PIR: variants seen among roughly 807,000 people sequenced by gnomAD.
The protein encoded by PIR is pirin.
In PIR, 22 loss-of-function variants were observed where a neutral mutation model predicts 24.2. That is an observed-to-expected ratio of 0.91 (90% confidence interval 0.65 to 1.30). PIR has a LOEUF of 1.30. Among genes scored for constraint, PIR ranks in the 50% most tolerant of loss-of-function variants. The probability of loss-of-function intolerance (pLI) is 0.00; values close to 1 mark genes in which losing one functional copy is unlikely to be tolerated. For synonymous variants in PIR, 80 were observed against 79.6 expected, an observed-to-expected ratio of 1.00 and a Z score of -0.03; for missense variants, 220 against 220.3, an observed-to-expected ratio of 1.00 and a Z score of 0.01.
rs1165872329 is a variant in PIR at position 15,401,334 on chromosome X, G to A, written c.611-3803C>T. 3.6e-5 allele frequency among the ~76,000 whole-genome samples: 4 copies of A among 110,872 alleles called. No homozygotes were observed. The East Asian group carries it at 1.1e-3, about 31-fold the overall frequency. On this transcript the variant is annotated intron_variant, in intron 7 of 9. Transcript: ENST00000380420. ...AGTCTCCCCAAGTGCTGGGATTACA[G>A]GTATGAGCCACTGCGCCTAACCAAG...
At chrX:15,453,138 C>A (rs1920984209) in intron 5 of PIR, among the ~76,000 whole-genome samples, 1 of 111,643 alleles carries the variant, frequency 9.0e-6, no homozygotes, top group Non-Finnish European at 1.9e-5. Flanking sequence ...AACGAAATCA[C>A]CAGTTGCTCC....
chrX:15,427,843 ATGTG>A (rs1925370499), intron 5 of PIR, among the ~76,000 whole-genome samples: 1 of 108,400 alleles, frequency 9.2e-6, no homozygotes, highest in Non-Finnish European at 1.9e-5. Flanking sequence ...GTGTGTGCAT[ATGTG>A]TGTGTATGTA....
intron 5 of PIR, among the ~76,000 whole-genome samples, chrX:15,439,092 C>T (rs761803163): frequency 2.7e-5 from 3 of 112,230 alleles, no homozygotes; most frequent in Non-Finnish European, 5.6e-5. Context: ...ACTCCCACTG[C>T]CCTGGGATTG....
At position 15,425,978 on chromosome X, in the gene PIR, T is replaced by A. The variant is rs1925303550; in HGVS notation, c.493A>T (p.Thr165Ser). 7 of 1,179,352 alleles carry A rather than the reference T, an allele frequency of 5.9e-6. No individual in the cohort carries two copies. Among genetic ancestry groups the A allele is most frequent in the Non-Finnish European group, 8.1e-6 (7 of 866,537 alleles). Residue 165 changes from threonine (T) to serine (S), a missense_variant, in exon 6 of 10, where the codon ACT (threonine) becomes TCT (serine). Physicochemically the swap from Thr to Ser is moderately conservative, Grantham distance 58 (BLOSUM62 1). Coordinates refer to ENST00000380420, the MANE Select transcript of PIR (RefSeq NM_001018109.3). The stretch of plus-strand genomic sequence containing the variant: ...TCCAAATATAAGGTTGGTGTGCGAG[T>A]GTAAACCTTGGACTGAAAAGGAAAA... ...EALGIKSKVY[T>S]RTPTLYLDFK...
Position 15,455,876 on chromosome X carries a change from A to G in PIR, c.452T>C (p.Val151Ala). Reference protein sequence around the residue: ...KPSKDGVTVAVISGEALGIKS... With the variant: ...KPSKDGVTVAAISGEALGIKS... ...TATTCCCAGGGCTTCTCCAGAAATG[A>G]CAGCAACTGTCACACCATCCTTACT... The change falls in exon 5 of 10, where the codon GTC (valine) becomes GCC (alanine). Residue 151 changes from valine to alanine, a missense_variant. Val to Ala is a moderately conservative substitution (Grantham distance 64). Transcript: ENST00000380420. 1 of 1,210,550 alleles carries G rather than the reference A, an allele frequency of 8.3e-7. No individual in the cohort carries two copies. Among genetic ancestry groups the G allele is most frequent in the East Asian group, 3.0e-5 (1 of 33,844 alleles).
rs149822007 is a variant in PIR, at chrX:15,434,810, T to C, written c.481-8820A>G. 3.8e-3 allele frequency among the ~76,000 whole-genome samples: 419 copies of C among 111,077 alleles called. 2 individuals carry two copies. The highest frequency in any genetic ancestry group is 0.029 in the Admixed American group (302 of 10,443). ...AGGTTTCTGACATGGGTCTAATCTA[T>C]TCATCTTTTCCTTCCAATGCTTTTA... is the stretch of plus-strand genomic sequence containing the variant. On this transcript the variant is annotated intron_variant, in intron 5 of 9. Transcript: ENST00000380420.
intron 5 of PIR, chrX:15,429,672 C>A (rs112201111): frequency 9.0e-6 from 1 of 111,222 alleles, no homozygotes; most frequent in East Asian, 2.8e-4. Flanking sequence ...CTGGCTAACA[C>A]GGTGAAACCC....
intron 5 of PIR, among the ~76,000 whole-genome samples, chrX:15,427,119 A>G (rs771813033): frequency 1.8e-5 from 2 of 112,059 alleles, no homozygotes; most frequent in Admixed American, 9.5e-5. Context: ...CAGACACAGA[A>G]GATCATACAC....
At chrX:15,416,307 T>C (rs1450057047) in intron 6 of PIR, among the ~76,000 whole-genome samples, 1 of 111,971 alleles carries the variant, frequency 8.9e-6, no homozygotes, top group Non-Finnish European at 1.9e-5. Context: ...TTGCGTTCTA[T>C]GAAAAGACTC....
chrX:15,419,548 G>A (rs1299385353), intron 6 of PIR, among the ~76,000 whole-genome samples: 1 of 111,506 alleles, frequency 9.0e-6, no homozygotes, highest in Non-Finnish European at 1.9e-5. Context: ...TGGGTTTACA[G>A]ACGCTCAATG....
At chrX:15,450,349 C>T (rs1926240945) in intron 5 of PIR, among the ~76,000 whole-genome samples, 1 of 109,273 alleles carries the variant, frequency 9.2e-6, no homozygotes, top group African/African-American at 3.3e-5. Flanking sequence ...GCCCCTCTCA[C>T]ACTCTCTGCC....
Position 15,471,490 on chromosome X carries a change from C to T in PIR, c.189+8239G>A, listed in dbSNP as rs1230863219. 2.7e-5 allele frequency among the ~76,000 whole-genome samples: 3 copies of T among 111,515 alleles called. No individual in the cohort carries two copies. In the East Asian group the frequency reaches 8.4e-4, roughly 31 times the overall value. On this transcript the variant is annotated intron_variant, in intron 3 of 9. Transcript: ENST00000380420. ...TCAAGCTTGGGCTTCGAAGCTTGGG[C>T]CTTCCCCAATAATGGCCCAACCTAA...
intron 5 of PIR, among the ~76,000 whole-genome samples, chrX:15,445,204 C>T (rs187584435): frequency 1.8e-5 from 2 of 111,555 alleles, no homozygotes; most frequent in African/African-American, 6.5e-5. Flanking sequence ...TTGTTCTGGA[C>T]ATCAAAATGG....
chrX:15,454,311 G>C (rs1921001689), intron 5 of PIR, among the ~76,000 whole-genome samples: 1 of 110,856 alleles, frequency 9.0e-6, no homozygotes. Context: ...ACAACAAAGG[G>C]TCTTTTCCAA....
At chrX:15,422,436 CA>C (rs779546582) in intron 6 of PIR, among the ~76,000 whole-genome samples, 1 of 108,200 alleles carries the variant, frequency 9.2e-6, no homozygotes, top group Non-Finnish European at 1.9e-5. Context: ...AAGACTCCAC[CA>C]AAAAAAACCT....
intron 3 of PIR, among the ~76,000 whole-genome samples, chrX:15,470,980 G>T (rs1569209635): frequency 9.3e-6 from 1 of 107,481 alleles, no homozygotes; most frequent in African/African-American, 3.4e-5. Flanking sequence ...AGACATGAAT[G>T]GTTTTTGTTT....
At chrX:15,465,227 A>G (rs1602286512) in intron 3 of PIR, among the ~76,000 whole-genome samples, 1 of 111,477 alleles carries the variant, frequency 9.0e-6, no homozygotes, top group African/African-American at 3.3e-5. Flanking sequence ...ATTGAATTCA[A>G]AATGCCTATC....
chrX:15,478,881 C>G (rs1922350498), intron 3 of PIR, among the ~76,000 whole-genome samples: 1 of 111,807 alleles, frequency 8.9e-6, no homozygotes, highest in Non-Finnish European at 1.9e-5. Context: ...TAAATATTTA[C>G]TCATTCACTA....
intron 5 of PIR, among the ~76,000 whole-genome samples, chrX:15,439,301 A>C (rs1429241240): frequency 8.9e-6 from 1 of 112,415 alleles, no homozygotes; most frequent in African/African-American, 3.2e-5. Flanking sequence ...GATTTCAAAG[A>C]CTCGGTAACA....
Sources: gnomAD v4.1 joint callset for allele counts (sites outside exome capture counted in the v4.1 genomes callset) on GRCh38, gnomAD v4.1.1 for gene constraint, MANE v1.5 for transcripts, NCBI Gene and HGNC (gene_info 2026-07-23, HGNC 2026-07-21) for gene names.